LINGO2: variants seen among roughly 807,000 people sequenced by gnomAD.
LINGO2 encodes the protein leucine rich repeat and Ig domain containing 2.
LINGO2 carries 14 observed loss-of-function variants against 30.6 expected under a neutral mutation model. The ratio of observed to expected loss-of-function variants is 0.46; its 90% CI spans 0.30 to 0.72. The LOEUF is 0.72. LINGO2 is among the 30% of genes least tolerant of loss of function. The pLI, the probability that LINGO2 is intolerant of heterozygous loss-of-function variation, is 0.07. For synonymous variants in LINGO2, 317 were observed against 288.5 expected, an observed-to-expected ratio of 1.10 and a Z score of -1.00; for missense variants, 729 against 751.7, an observed-to-expected ratio of 0.97 and a Z score of 0.35.
chr9:28,087,865 T>C lies in LINGO2; in HGVS notation c.-86-75460A>G, dbSNP rs146369503. On this transcript the variant is annotated intron_variant, in intron 4 of 5. Transcript: ENST00000379992. Reference sequence around the variant, plus strand: ...AGCTCCTAGTCTTCAATAGCCACAATTTCCTCCATGGCTACCTAAGATACT... The same window carrying C: ...AGCTCCTAGTCTTCAATAGCCACAACTTCCTCCATGGCTACCTAAGATACT... Among the ~76,000 whole-genome samples, 366 of 152,180 alleles carry C rather than the reference T, an allele frequency of 2.4e-3. 7 individuals are homozygous for C. The South Asian group carries it at 0.046, about 19-fold the overall frequency.
the LINGO2 span, among the ~76,000 whole-genome samples, chr9:29,063,002 A>T: frequency 2.0e-5 from 3 of 152,144 alleles, no homozygotes; most frequent in Non-Finnish European, 4.4e-5. Flanking sequence ...GACATCCTAT[A>T]TATCTAGAAG....
At chr9:28,658,028 T>C (rs1828434077) in intron 1 of LINGO2, among the ~76,000 whole-genome samples, 1 of 152,100 alleles carries the variant, frequency 6.6e-6, no homozygotes, top group Non-Finnish European at 1.5e-5. Context: ...GAGTGTATTG[T>C]TTAATTTACA....
chr9:27,960,614 C>CTTTTTTTTTTTTTTTTTTTTTTTTTTTTT (rs540319420), intron 5 of LINGO2, among the ~76,000 whole-genome samples: 1 of 122,316 alleles, frequency 8.2e-6, no homozygotes, highest in Non-Finnish European at 1.8e-5. Context: ...TGTGGTATAT[C>CTTTTTTTTTTTTTTTTTTTTTTTTTTTTT]TTTTTTTTTT....
intron 4 of LINGO2, among the ~76,000 whole-genome samples, chr9:28,100,844 C>T (rs1215135299): frequency 1.3e-5 from 2 of 152,088 alleles, no homozygotes; most frequent in South Asian, 2.1e-4. Flanking sequence ...ATGAGCTTTG[C>T]GTACGATTGT....
At chr9:27,964,118 C>T (rs1032850333) in intron 5 of LINGO2, among the ~76,000 whole-genome samples, 1 of 151,916 alleles carries the variant, frequency 6.6e-6, no homozygotes, top group Non-Finnish European at 1.5e-5. Flanking sequence ...TTTCTCTCTA[C>T]TTATTTATGG....
At chr9:28,746,333 G>A in the LINGO2 span, among the ~76,000 whole-genome samples, 498 of 151,966 alleles carry the variant, frequency 3.3e-3, 8 homozygotes, top group African/African-American at 0.011. Context: ...TACTTGACAC[G>A]CTATATAAAG....
intron 4 of LINGO2, among the ~76,000 whole-genome samples, chr9:28,164,884 T>C (rs938525736): frequency 4.6e-5 from 7 of 152,178 alleles, no homozygotes; most frequent in Non-Finnish European, 7.3e-5. Flanking sequence ...TGCACACCGA[T>C]AAAGGGTTCC....
chr9:28,626,850 C>T (rs1455292102), intron 1 of LINGO2, among the ~76,000 whole-genome samples: 2 of 148,384 alleles, frequency 1.3e-5, no homozygotes, highest in African/African-American at 5.0e-5. Flanking sequence ...GTGTGTCTTC[C>T]ATTATCTCTT....
chr9:28,396,466 A>C (rs1169572381), intron 2 of LINGO2, among the ~76,000 whole-genome samples: 1 of 152,092 alleles, frequency 6.6e-6, no homozygotes, highest in Non-Finnish European at 1.5e-5. Flanking sequence ...GCACTTTGGG[A>C]GGCCGAGGCA....
chr9:28,226,408 T>C (rs921922041), intron 4 of LINGO2, among the ~76,000 whole-genome samples: 1 of 151,968 alleles, frequency 6.6e-6, no homozygotes, highest in Non-Finnish European at 1.5e-5. Context: ...ATACCTCCAT[T>C]ACAGTATGTT....
At chr9:29,186,954 G>A in the LINGO2 span, among the ~76,000 whole-genome samples, 1 of 152,024 alleles carries the variant, frequency 6.6e-6, no homozygotes, top group African/African-American at 2.4e-5. Flanking sequence ...AATTTTAAAC[G>A]GTTTTCATAT....
chr9:28,991,074 A>G, the LINGO2 span, among the ~76,000 whole-genome samples: 4 of 152,216 alleles, frequency 2.6e-5, no homozygotes, highest in Non-Finnish European at 5.9e-5. Flanking sequence ...TCCGAGCTAC[A>G]GGAGGAAATT....
At chr9:29,130,686 A>AT in the LINGO2 span, among the ~76,000 whole-genome samples, 1 of 152,146 alleles carries the variant, frequency 6.6e-6, no homozygotes, top group East Asian at 1.9e-4. Flanking sequence ...ACTTTTCAAA[A>AT]TTTTGTAACT....
the LINGO2 span, among the ~76,000 whole-genome samples, chr9:28,828,091 G>A: frequency 1.3e-5 from 2 of 151,734 alleles, no homozygotes; most frequent in Non-Finnish European, 1.5e-5. Flanking sequence ...ACTATGCAAA[G>A]CTATGAATAT....
chr9:28,691,770 G>T, the LINGO2 span, among the ~76,000 whole-genome samples: 3 of 152,156 alleles, frequency 2.0e-5, no homozygotes, highest in Non-Finnish European at 4.4e-5. Context: ...TTAAAAGCTT[G>T]TGTACTAATA....
chr9:29,035,961 T>C, the LINGO2 span, among the ~76,000 whole-genome samples: 1 of 151,916 alleles, frequency 6.6e-6, no homozygotes, highest in Admixed American at 6.6e-5. Context: ...AAAGAAAGCA[T>C]GGAAGCTTTT....
the LINGO2 span, among the ~76,000 whole-genome samples, chr9:28,903,048 A>G: frequency 6.6e-6 from 1 of 151,962 alleles, no homozygotes; most frequent in African/African-American, 2.4e-5. Flanking sequence ...AATAAAATAT[A>G]GACTAGAAAA....
At chr9:28,621,613 G>GT (rs1412258189) in intron 1 of LINGO2, among the ~76,000 whole-genome samples, 7 of 151,914 alleles carry the variant, frequency 4.6e-5, no homozygotes, top group Non-Finnish European at 7.4e-5. Context: ...AATGTCATTG[G>GT]TTTTTTGGCA....
At chr9:28,088,551 T>G (rs893152780) in intron 4 of LINGO2, among the ~76,000 whole-genome samples, 30 of 152,078 alleles carry the variant, frequency 2.0e-4, no homozygotes, top group Non-Finnish European at 1.5e-5. Context: ...CAGGTCTAAG[T>G]CCTCTGGGTA....
Sources: allele counts gnomAD v4.1 joint callset (sites outside exome capture counted in the v4.1 genomes callset), GRCh38; gene constraint gnomAD v4.1.1; transcripts MANE v1.5; gene names NCBI Gene and HGNC (gene_info 2026-07-23, HGNC 2026-07-21).